Variants in LSAMP observed in about 807,000 individuals in gnomAD.
LSAMP encodes the protein limbic system associated membrane protein, also known as limbic system-associated membrane protein.
In LSAMP, 7 loss-of-function variants were observed where a neutral mutation model predicts 38.6. The ratio of observed to expected loss-of-function variants is 0.18; its 90% CI spans 0.10 to 0.34. LSAMP has a LOEUF of 0.34. LSAMP is among the 10% of genes least tolerant of loss of function. The probability of loss-of-function intolerance (pLI) is 1.00; values close to 1 mark genes in which losing one functional copy is unlikely to be tolerated. For synonymous variants in LSAMP, 154 were observed against 166.8 expected (o/e 0.92, Z 0.59); for missense variants, 313 against 420.0 (o/e 0.75, Z 2.23).
At chr3:116,371,939 C>CAA (rs1398117397) in intron 1 of LSAMP, among the ~76,000 whole-genome samples, 1 of 151,890 alleles carries the variant, frequency 6.6e-6, no homozygotes, top group East Asian at 1.9e-4. Context: ...ATGAAAGCAT[C>CAA]AAAAACAACA....
chr3:116,359,441 G>T (rs371563008), intron 1 of LSAMP, among the ~76,000 whole-genome samples: 1 of 152,192 alleles, frequency 6.6e-6, no homozygotes, highest in Non-Finnish European at 1.5e-5. Context: ...TGGTAAAACC[G>T]ACTGGATGTC....
intron 6 of LSAMP, among the ~76,000 whole-genome samples, chr3:115,830,517 G>C (rs968339477): frequency 6.6e-6 from 1 of 152,164 alleles, no homozygotes; most frequent in Admixed American, 6.5e-5. Context: ...GGAGAAAGGT[G>C]CACGTTTCTT....
At chr3:116,387,916 A>ACCC (rs1235859588) in intron 1 of LSAMP, among the ~76,000 whole-genome samples, 1 of 151,032 alleles carries the variant, frequency 6.6e-6, no homozygotes, top group African/African-American at 2.4e-5. Flanking sequence ...ACACGGTGAA[A>ACCC]CCCCGTCTCT....
intron 1 of LSAMP, among the ~76,000 whole-genome samples, chr3:116,369,188 G>T (rs2048397093): frequency 6.6e-6 from 1 of 152,064 alleles, no homozygotes; most frequent in Non-Finnish European, 1.5e-5. Flanking sequence ...GCTAGGGGTT[G>T]TAAGGAATAC....
At chr3:116,099,097 A>G (rs1036731978) in intron 1 of LSAMP, among the ~76,000 whole-genome samples, 1 of 152,218 alleles carries the variant, frequency 6.6e-6, no homozygotes, top group African/African-American at 2.4e-5. Flanking sequence ...GTACTACTGC[A>G]TTCACCATGT....
chr3:116,183,393 T>A (rs1269963006), intron 1 of LSAMP, among the ~76,000 whole-genome samples: 1 of 151,904 alleles, frequency 6.6e-6, no homozygotes, highest in Non-Finnish European at 1.5e-5. Flanking sequence ...AAAAGGTTTT[T>A]AACTTGTGGG....
intron 3 of LSAMP, among the ~76,000 whole-genome samples, chr3:116,006,327 G>T (rs1184435045): frequency 6.6e-6 from 1 of 152,082 alleles, no homozygotes; most frequent in Non-Finnish European, 1.5e-5. Context: ...AAGCCAGAAA[G>T]AGCCCTCATC....
chr3:116,276,992 C>T (rs1056746646), intron 1 of LSAMP, among the ~76,000 whole-genome samples: 2 of 152,048 alleles, frequency 1.3e-5, no homozygotes, highest in East Asian at 1.9e-4. Context: ...TGATTATAAG[C>T]GAGTACACAT....
intron 1 of LSAMP, among the ~76,000 whole-genome samples, chr3:116,139,122 T>C (rs1421331875): frequency 6.6e-6 from 1 of 151,980 alleles, no homozygotes; most frequent in Admixed American, 6.6e-5. Context: ...ATTAGGAATC[T>C]GCTCATAATT....
intron 1 of LSAMP, among the ~76,000 whole-genome samples, chr3:116,250,127 T>C (rs1157150915): frequency 6.6e-6 from 1 of 152,192 alleles, no homozygotes; most frequent in Non-Finnish European, 1.5e-5. Flanking sequence ...AGTTGTGCCA[T>C]ATAGAATCAT....
chr3:116,261,369 G>A (rs550936009), intron 1 of LSAMP, among the ~76,000 whole-genome samples: 1 of 152,218 alleles, frequency 6.6e-6, no homozygotes, highest in East Asian at 1.9e-4. Context: ...TAGGGTACAG[G>A]TTTCCTGTTC....
intron 1 of LSAMP, among the ~76,000 whole-genome samples, chr3:116,265,485 T>C (rs1360263329): frequency 6.6e-6 from 1 of 152,200 alleles, no homozygotes; most frequent in Non-Finnish European, 1.5e-5. Flanking sequence ...AGAAATTCGA[T>C]AGCGTATACC....
At chr3:116,011,708 T>G (rs929614312) in intron 3 of LSAMP, among the ~76,000 whole-genome samples, 5 of 151,536 alleles carry the variant, frequency 3.3e-5, no homozygotes, top group African/African-American at 1.2e-4. Context: ...GTGAATGAAT[T>G]AGTAGTTTCC....
chr3:116,394,901 T>G (rs1212988529), intron 1 of LSAMP, among the ~76,000 whole-genome samples: 1 of 152,178 alleles, frequency 6.6e-6, no homozygotes, highest in Non-Finnish European at 1.5e-5. Context: ...CATAGTTGCA[T>G]TTATGTAGAC....
At chr3:116,283,608 G>C (rs932020987) in intron 1 of LSAMP, among the ~76,000 whole-genome samples, 1 of 152,072 alleles carries the variant, frequency 6.6e-6, no homozygotes, top group Non-Finnish European at 1.5e-5. Context: ...CTGGTCAAGG[G>C]CATAAGAGAA....
chr3:116,175,257 T>G (rs1387888277), intron 1 of LSAMP, among the ~76,000 whole-genome samples: 1 of 152,154 alleles, frequency 6.6e-6, no homozygotes, highest in Non-Finnish European at 1.5e-5. Context: ...ATAAACTTTT[T>G]CATTTTTAAA....
chr3:115,930,488 C>T (rs1002753491), intron 3 of LSAMP, among the ~76,000 whole-genome samples: 1 of 152,060 alleles, frequency 6.6e-6, no homozygotes, highest in Non-Finnish European at 1.5e-5. Flanking sequence ...GGTTAGTCTC[C>T]TACTCAGTAT....
intron 1 of LSAMP, among the ~76,000 whole-genome samples, chr3:116,249,373 C>A (rs565484573): frequency 3.7e-5 from 5 of 136,496 alleles, no homozygotes; most frequent in Admixed American, 7.9e-5. Context: ...GCTTTGGAGA[C>A]TAGTAGAAGA....
chr3:116,217,808 T>C (rs2046238942), intron 1 of LSAMP, among the ~76,000 whole-genome samples: 1 of 152,198 alleles, frequency 6.6e-6, no homozygotes, highest in Non-Finnish European at 1.5e-5. Flanking sequence ...CCCATCTCTG[T>C]AGCACACTGC....
Sources: gnomAD v4.1 joint callset for allele counts (sites outside exome capture counted in the v4.1 genomes callset) on GRCh38, gnomAD v4.1.1 for gene constraint, MANE v1.5 for transcripts, NCBI Gene and HGNC (gene_info 2026-07-23, HGNC 2026-07-21) for gene names.